The following ERBB4 variants were observed in gnomAD, a reference collection of about 807,000 sequenced individuals.
The protein encoded by ERBB4 is erb-b2 receptor tyrosine kinase 4, also known as receptor tyrosine-protein kinase erbB-4.
Under a neutral mutation model 158.0 loss-of-function variants are expected in ERBB4, and 42 were observed. That is an observed-to-expected ratio of 0.27 (90% CI 0.21 to 0.34). The LOEUF is 0.34. ERBB4 is among the 10% of genes least tolerant of loss of function. ERBB4 has a pLI of 1.00. For synonymous variants in ERBB4, 583 were observed against 558.7 expected (o/e 1.04, Z -0.61); for missense variants, 1,333 against 1,624.1 (o/e 0.82, Z 3.08).
At chr2:212,330,943 C>A (rs994392498) in intron 1 of ERBB4, among the ~76,000 whole-genome samples, 18 of 150,436 alleles carry the variant, frequency 1.2e-4, no homozygotes, top group Admixed American at 2.7e-4. Context: ...CTGGGGTCAA[C>A]AAGCAGCAAG....
intron 20 of ERBB4, among the ~76,000 whole-genome samples, chr2:211,483,515 C>CT (rs1425433475): frequency 6.6e-6 from 1 of 151,742 alleles, no homozygotes; most frequent in Non-Finnish European, 1.5e-5. Context: ...CAGCACATTT[C>CT]TTTTTTTGTT....
chr2:211,725,253 C>G (rs1021848568), intron 5 of ERBB4, 59 bp from the exon 6 acceptor site: 1 of 1,294,016 alleles, frequency 7.7e-7, no homozygotes, highest in Non-Finnish European at 1.1e-6. Context: ...AACTCATAAG[C>G]TGAGTTCTGG....
intron 20 of ERBB4, among the ~76,000 whole-genome samples, chr2:211,508,777 T>G (rs998926495): frequency 1.3e-5 from 2 of 151,964 alleles, no homozygotes; most frequent in African/African-American, 4.8e-5. Context: ...AGTGATAGAC[T>G]GGATAAAGAA....
intron 3 of ERBB4, among the ~76,000 whole-genome samples, chr2:211,897,000 C>T (rs1407421445): frequency 6.6e-6 from 1 of 151,122 alleles, no homozygotes; most frequent in Non-Finnish European, 1.5e-5. Context: ...AAAATAATGG[C>T]ATTCATCAGC....
intron 1 of ERBB4, among the ~76,000 whole-genome samples, chr2:212,336,021 A>G (rs1217734262): frequency 6.6e-6 from 1 of 152,050 alleles, no homozygotes; most frequent in African/African-American, 2.4e-5. Context: ...TGAAAGGGGA[A>G]TAAAGTATGT....
At chr2:211,494,424 G>A (rs1376534359) in intron 20 of ERBB4, among the ~76,000 whole-genome samples, 1 of 151,670 alleles carries the variant, frequency 6.6e-6, no homozygotes, top group African/African-American at 2.4e-5. Context: ...CAGTAAACAT[G>A]AACACCAAAT....
In ERBB4 at chr2:211,635,677, T is replaced by A. The variant is rs147230525; in HGVS notation, c.1947-5083A>T. On this transcript the variant is annotated intron_variant, in intron 16 of 27. Transcript: ENST00000342788. ...GTTTTAAAAAACTATTTTGTTATAC[T>A]CTTTCTATTTAATGTTATAAGGACT... 2.0e-5 allele frequency among the ~76,000 whole-genome samples: 3 copies of A among 152,276 alleles called. No homozygotes were observed. In the East Asian group the frequency reaches 5.8e-4, roughly 29 times the overall value.
chr2:211,644,273 C>T (rs2070704730), intron 16 of ERBB4, among the ~76,000 whole-genome samples: 1 of 152,032 alleles, frequency 6.6e-6, no homozygotes, highest in Non-Finnish European at 1.5e-5. Context: ...CATTTGAAAG[C>T]ATTTAATAAC....
intron 2 of ERBB4, among the ~76,000 whole-genome samples, chr2:211,960,002 T>G (rs556608958): frequency 2.6e-5 from 4 of 152,244 alleles, no homozygotes; most frequent in African/African-American, 9.6e-5. Flanking sequence ...AGGGGTGAAG[T>G]GGATACATTT....
At chr2:211,663,174 AT>A (rs2071497225) in intron 15 of ERBB4, among the ~76,000 whole-genome samples, 1 of 152,224 alleles carries the variant, frequency 6.6e-6, no homozygotes, top group Non-Finnish European at 1.5e-5. Flanking sequence ...GGATTTAGGA[AT>A]TTAGGAATCA....
At chr2:211,598,742 C>A (rs1023420462) in intron 19 of ERBB4, among the ~76,000 whole-genome samples, 1 of 152,104 alleles carries the variant, frequency 6.6e-6, no homozygotes, top group African/African-American at 2.4e-5. Flanking sequence ...TTTTGAAATT[C>A]TTCTAGTAAA....
chr2:212,063,172 T>A (rs1487511489), intron 2 of ERBB4, among the ~76,000 whole-genome samples: 1 of 152,182 alleles, frequency 6.6e-6, no homozygotes, highest in Non-Finnish European at 1.5e-5. Context: ...TCAAATCTAA[T>A]AATTTTTACC....
intron 1 of ERBB4, among the ~76,000 whole-genome samples, chr2:212,403,120 T>C (rs1248772261): frequency 6.6e-6 from 1 of 152,086 alleles, no homozygotes; most frequent in East Asian, 1.9e-4. Flanking sequence ...ATTGGTGAAC[T>C]TGGTTTTTAT....
intron 3 of ERBB4, among the ~76,000 whole-genome samples, chr2:211,867,692 A>G (rs1247707668): frequency 2.0e-5 from 3 of 152,146 alleles, no homozygotes; most frequent in Non-Finnish European, 4.4e-5. Context: ...CCTCCTGAGT[A>G]GCTGAGACTA....
chr2:211,548,306 A>T (rs2066994209), intron 20 of ERBB4, among the ~76,000 whole-genome samples: 1 of 151,834 alleles, frequency 6.6e-6, no homozygotes. Context: ...TGATAGAAAG[A>T]TCGAGAGGGA....
intron 20 of ERBB4, among the ~76,000 whole-genome samples, chr2:211,491,894 G>T (rs1335756502): frequency 1.3e-5 from 2 of 151,934 alleles, no homozygotes; most frequent in Admixed American, 1.3e-4. Context: ...GTTAAAGTCT[G>T]GGGATTCAAA....
chr2:212,181,789 C>T (rs1039674233), intron 1 of ERBB4, among the ~76,000 whole-genome samples: 1 of 151,750 alleles, frequency 6.6e-6, no homozygotes, highest in Non-Finnish European at 1.5e-5. Context: ...AGAATCAACA[C>T]TTAAAATTCT....
chr2:212,299,568 T>A (rs2086544684), intron 1 of ERBB4, among the ~76,000 whole-genome samples: 1 of 151,626 alleles, frequency 6.6e-6, no homozygotes, highest in Non-Finnish European at 1.5e-5. Flanking sequence ...CCTGAGATTT[T>A]CCTTTGAGTC....
At chr2:212,266,855 GA>G (rs2085155087) in intron 1 of ERBB4, among the ~76,000 whole-genome samples, 2 of 152,034 alleles carry the variant, frequency 1.3e-5, no homozygotes, top group Admixed American at 1.3e-4. Flanking sequence ...CAAATTAAAT[GA>G]GAAGTTCTAT....
Sources: allele counts gnomAD v4.1 joint callset (sites outside exome capture counted in the v4.1 genomes callset), GRCh38; gene constraint gnomAD v4.1.1; transcripts MANE v1.5; gene names NCBI Gene and HGNC (gene_info 2026-07-23, HGNC 2026-07-21).